The following KCNMA1 variants were observed in gnomAD, a reference collection of about 807,000 sequenced individuals.
The protein encoded by KCNMA1 is potassium calcium-activated channel subfamily M alpha 1, also known as Calcium-activated potassium channel subunit alpha-1.
Under a neutral mutation model 140.0 loss-of-function variants are expected in KCNMA1, and 29 were observed. That is an observed-to-expected ratio of 0.21 (90% CI 0.15 to 0.28). The LOEUF (loss-of-function observed/expected upper bound fraction) is 0.28, where lower values mean the gene tolerates loss of function less well. Ranked by LOEUF, KCNMA1 falls within the 10% of genes least tolerant of loss-of-function variation. The pLI is 1.00. For synonymous variants in KCNMA1, 612 were observed against 611.9 expected (o/e 1.00, Z 0.00); for missense variants, 880 against 1,602.2 (o/e 0.55, Z 7.70).
At chr10:77,213,042 C>T (rs964571617) in intron 3 of KCNMA1, among the ~76,000 whole-genome samples, 1 of 151,960 alleles carries the variant, frequency 6.6e-6, no homozygotes, top group African/African-American at 2.4e-5. Flanking sequence ...TTGTAGTTGA[C>T]TATCGTTTAT....
intron 9 of KCNMA1, among the ~76,000 whole-genome samples, chr10:77,095,899 A>G (rs563907241): frequency 3.3e-5 from 5 of 152,280 alleles, no homozygotes; most frequent in African/African-American, 1.2e-4. Flanking sequence ...AGGCATCAAG[A>G]GAGCCACTGA....
chr10:77,530,917 C>T (rs545981353), intron 1 of KCNMA1, among the ~76,000 whole-genome samples: 131 of 152,302 alleles, frequency 8.6e-4, no homozygotes, highest in African/African-American at 3.0e-3. Context: ...TATTTTTCCA[C>T]AAGTGTATTC....
At chr10:77,028,150 C>T (rs2093631343) in intron 15 of KCNMA1, among the ~76,000 whole-genome samples, 1 of 152,214 alleles carries the variant, frequency 6.6e-6, no homozygotes, top group Admixed American at 6.5e-5. Context: ...ACACAGAGCC[C>T]AAGCAGGAAT....
intron 27 of KCNMA1, chr10:76,887,797 T>C: frequency 2.2e-6 from 1 of 456,294 alleles, no homozygotes; most frequent in South Asian, 2.2e-5. Flanking sequence ...ACATGTACCT[T>C]TCTATACAAG....
intron 18 of KCNMA1, among the ~76,000 whole-genome samples, chr10:77,004,930 T>C (rs2087884923): frequency 6.6e-6 from 1 of 152,176 alleles, no homozygotes; most frequent in African/African-American, 2.4e-5. Flanking sequence ...AAGTGCAACT[T>C]TGAAAATTTC....
chr10:77,038,764 T>C (rs993851731), intron 15 of KCNMA1, among the ~76,000 whole-genome samples: 8 of 152,170 alleles, frequency 5.3e-5, no homozygotes, highest in African/African-American at 1.9e-4. Context: ...TAGTCTTGAA[T>C]GCCTAGCCTC....
intron 1 of KCNMA1, among the ~76,000 whole-genome samples, chr10:77,429,484 C>G (rs556224789): frequency 4.6e-5 from 7 of 152,290 alleles, no homozygotes; most frequent in Admixed American, 3.9e-4. Context: ...ATTTGAACAT[C>G]GCTGGTCTAC....
rs917813476 is a variant in KCNMA1, at chr10:77,164,999, T to C, written c.808+18422A>G. ...AGAGAGTCAAAGGAAATGACAGACA[T>C]GCCATAATAGAAAGAAAAAAATACA... On this transcript the variant is annotated intron_variant, in intron 5 of 27. Transcript: ENST00000286628. 2.6e-5 allele frequency among the ~76,000 whole-genome samples: 4 copies of C among 152,090 alleles called. No individual in the cohort carries two copies. In the South Asian group the frequency reaches 8.3e-4, roughly 32 times the overall value.
intron 1 of KCNMA1, chr10:77,433,635 T>C (rs1293797223): frequency 3.9e-5 from 6 of 152,260 alleles, no homozygotes; most frequent in Admixed American, 3.9e-4. Flanking sequence ...GTAGAATCCG[T>C]GTATGCCTTC....
chr10:77,144,404 T>A (rs879417946), intron 5 of KCNMA1, among the ~76,000 whole-genome samples: 1 of 152,148 alleles, frequency 6.6e-6, no homozygotes, highest in Non-Finnish European at 1.5e-5. Flanking sequence ...AAGATAGTGA[T>A]TTTTTTATGT....
At position 77,353,986 on chromosome 10, in the gene KCNMA1, G is replaced by A. The variant is rs1730295100; in HGVS notation, c.540+49876C>T. Among the ~76,000 whole-genome samples the A allele has an allele frequency of 4.6e-5, 6 of 130,602 alleles. No homozygotes were observed. In the South Asian group the frequency reaches 1.7e-3, roughly 37 times the overall value. The allele number at this position is 130,602 out of a possible 152,430, so 85.7% of individuals were successfully genotyped here. On this transcript the variant is annotated intron_variant, in intron 2 of 27. Coordinates refer to ENST00000286628, the MANE Select transcript of KCNMA1 (RefSeq NM_001161352.2). ...CTCTTTTTTTGGGGGGGGGGGTGGT[G>A]GGGGTGGAGGGGTGGGGATGGAGTC...
downstream of KCNMA1, among the ~76,000 whole-genome samples, chr10:76,880,816 C>T (rs1296948550): frequency 1.3e-5 from 2 of 152,214 alleles, no homozygotes; most frequent in African/African-American, 2.4e-5. Flanking sequence ...TCTCCACTCC[C>T]TGTTTCATCT....
At chr10:77,620,884 T>A (rs2280165) in intron 1 of KCNMA1, among the ~76,000 whole-genome samples, 87,260 of 152,082 alleles carry the variant, frequency 0.57, 26,744 homozygotes, top group African/African-American at 0.78. Context: ...ACTGCACAAC[T>A]CCAGAGGGCT....
chr10:77,102,639 A>T (rs2097125805), intron 9 of KCNMA1, among the ~76,000 whole-genome samples: 1 of 152,198 alleles, frequency 6.6e-6, no homozygotes, highest in Non-Finnish European at 1.5e-5. Flanking sequence ...CCTGGATTTT[A>T]AAAGCAAGAG....
chr10:77,062,420 T>C (rs1303482613), intron 14 of KCNMA1, among the ~76,000 whole-genome samples: 1 of 152,216 alleles, frequency 6.6e-6, no homozygotes. Context: ...CACTCCCCTT[T>C]ACAGACACAT....
rs567715311 is a variant in KCNMA1 at position 77,138,061 on chromosome 10, C to CCATT, written c.809-17017_809-17014dup. Among the ~76,000 whole-genome samples the CCATT allele has an allele frequency of 8.0e-4, 122 of 152,186 alleles. 1 individual carries two copies. The East Asian group carries it at 0.018, about 22-fold the overall frequency. The stretch of plus-strand genomic sequence containing the variant: ...TTGATATTCAGACTGGGATTGTCGC[C>CCATT]CATTCATTCATTCATTCATTCACCC... On this transcript the variant is annotated intron_variant, in intron 5 of 27. Coordinates refer to ENST00000286628, the MANE Select transcript of KCNMA1 (RefSeq NM_001161352.2).
At chr10:77,009,499 A>G (rs1191167081) in intron 18 of KCNMA1, among the ~76,000 whole-genome samples, 1 of 152,126 alleles carries the variant, frequency 6.6e-6, no homozygotes, top group East Asian at 1.9e-4. Context: ...TCATCCTTCC[A>G]CTTCCACTCC....
intron 12 of KCNMA1, among the ~76,000 whole-genome samples, chr10:77,081,994 CTTTTTTTCTTTTCTTTTT>C (rs2096580613): frequency 2.9e-5 from 2 of 68,528 alleles, no homozygotes; most frequent in African/African-American, 6.4e-5. Context: ...CCAGTAATTT[CTTTTTTTCTTTTCTTTTT>C]TTTTTTTTTT....
At chr10:76,957,431 T>C (rs2068847443) in intron 20 of KCNMA1, among the ~76,000 whole-genome samples, 1 of 152,136 alleles carries the variant, frequency 6.6e-6, no homozygotes, top group Non-Finnish European at 1.5e-5. Flanking sequence ...GACAGCAGAC[T>C]AAGAATGATC....
Sources: gnomAD v4.1 joint callset for allele counts (sites outside exome capture counted in the v4.1 genomes callset) on GRCh38, gnomAD v4.1.1 for gene constraint, MANE v1.5 for transcripts, NCBI Gene and HGNC (gene_info 2026-07-23, HGNC 2026-07-21) for gene names.